Variants in SDK1 observed in about 807,000 individuals in gnomAD.
SDK1 encodes sidekick cell adhesion molecule 1.
SDK1 carries 157 observed loss-of-function variants against 245.5 expected under a neutral mutation model. The ratio of observed to expected loss-of-function variants is 0.64; its 90% CI spans 0.56 to 0.73. The LOEUF (loss-of-function observed/expected upper bound fraction) is 0.73, where lower values mean the gene tolerates loss of function less well. Among genes scored for constraint, SDK1 ranks in the 30% least tolerant of loss-of-function variants. The pLI is 0.00. For missense variants in SDK1, 3,583 were observed against 3,002.3 expected (o/e 1.19, Z -4.52); for synonymous variants, 1,647 against 1,278.5 (o/e 1.29, Z -6.15).
chr7:3,938,743 A>C (rs559906155), intron 5 of SDK1, among the ~76,000 whole-genome samples: 2 of 152,178 alleles, frequency 1.3e-5, no homozygotes, highest in African/African-American at 4.8e-5. Context: ...ATGCTCCTAA[A>C]TCATGCAGGT....
intron 22 of SDK1, among the ~76,000 whole-genome samples, chr7:4,109,173 G>C (rs1783156433): frequency 6.6e-6 from 1 of 152,168 alleles, no homozygotes; most frequent in Non-Finnish European, 1.5e-5. Flanking sequence ...GTTCTCTTGG[G>C]TCAGTGGCTG....
At chr7:4,204,992 A>C (rs1784124117) in intron 35 of SDK1, among the ~76,000 whole-genome samples, 2 of 152,124 alleles carry the variant, frequency 1.3e-5, no homozygotes, top group Middle Eastern at 3.4e-3. Context: ...CACACCCCTA[A>C]TGGCGGTGTG....
chr7:3,910,170 T>C (rs142403983), intron 5 of SDK1, among the ~76,000 whole-genome samples: 113 of 152,304 alleles, frequency 7.4e-4, no homozygotes, highest in African/African-American at 2.6e-3. Flanking sequence ...TCCCCTGGAA[T>C]GTGCAGCGCT....
In SDK1 at chr7:4,117,198, G is replaced by A. The variant is rs576137498; in HGVS notation, c.3823+2924G>A. On this transcript the variant is annotated intron_variant, in intron 25 of 44. Coordinates refer to ENST00000404826, the MANE Select transcript of SDK1 (RefSeq NM_152744.4). Reference sequence around the variant, plus strand: ...ATCTTAAATGTATTGGCCAGGCAGGGTCCTCACACCTGTAATCCCAGCACT... The same window carrying A: ...ATCTTAAATGTATTGGCCAGGCAGGATCCTCACACCTGTAATCCCAGCACT... Among the ~76,000 whole-genome samples, 22 of 152,290 alleles carry A rather than the reference G, an allele frequency of 1.4e-4. No homozygotes were observed. The South Asian group carries it at 4.3e-3, about 30-fold the overall frequency.
At chr7:3,781,234 G>A (rs947717557) in intron 4 of SDK1, among the ~76,000 whole-genome samples, 7 of 152,102 alleles carry the variant, frequency 4.6e-5, no homozygotes, top group African/African-American at 1.7e-4. Context: ...AATACATCCT[G>A]TAACTGGCCT....
At chr7:3,381,899 A>C (rs1781497076) in intron 1 of SDK1, among the ~76,000 whole-genome samples, 1 of 152,196 alleles carries the variant, frequency 6.6e-6, no homozygotes, top group Non-Finnish European at 1.5e-5. Flanking sequence ...TGAAAATTTT[A>C]GTTGACATTT....
chr7:4,194,228 A>ATACATGTATAGATATATGTATGCACGTC (rs1783410898), intron 35 of SDK1, among the ~76,000 whole-genome samples: 1 of 151,028 alleles, frequency 6.6e-6, no homozygotes, highest in Admixed American at 6.6e-5. Flanking sequence ...GTATACACGT[A>ATACATGTATAGATATATGTATGCACGTC]TGTGTATACA....
In SDK1 at chr7:3,489,872, T is replaced by A. The variant is rs17133426; in HGVS notation, c.299-129208T>A. Among the ~76,000 whole-genome samples the A allele has an allele frequency of 3.3e-5, 5 of 152,210 alleles. No homozygotes were observed. The South Asian group carries it at 1.0e-3, about 32-fold the overall frequency. The stretch of plus-strand genomic sequence containing the variant: ...AAGTTTGGAGTAAAATGCTGAATTA[T>A]GGGATGCTGTAATGTCACTAATGAG... On this transcript the variant is annotated intron_variant, in intron 1 of 44. Transcript: ENST00000404826.
At chr7:3,672,996 T>A (rs898283092) in intron 4 of SDK1, among the ~76,000 whole-genome samples, 1 of 151,692 alleles carries the variant, frequency 6.6e-6, no homozygotes, top group South Asian at 2.1e-4. Context: ...CTATTTTTTT[T>A]AAATAAGCAT....
At chr7:4,060,930 T>A (rs1779499308) in intron 19 of SDK1, among the ~76,000 whole-genome samples, 1 of 151,932 alleles carries the variant, frequency 6.6e-6, no homozygotes. Flanking sequence ...TTTCTCAGGT[T>A]TGTCAAAGAT....
intron 1 of SDK1, among the ~76,000 whole-genome samples, chr7:3,416,711 G>A (rs1021048125): frequency 7.2e-5 from 11 of 152,080 alleles, no homozygotes; most frequent in Admixed American, 2.0e-4. Flanking sequence ...CCCTGCTGAC[G>A]TCAGGCTTAA....
chr7:3,971,954 C>G (rs1245340408), intron 12 of SDK1, among the ~76,000 whole-genome samples: 2 of 152,020 alleles, frequency 1.3e-5, no homozygotes, highest in Non-Finnish European at 1.5e-5. Flanking sequence ...GTTCTTTACT[C>G]TCGGGATAGT....
intron 19 of SDK1, among the ~76,000 whole-genome samples, chr7:4,053,408 C>G (rs1175318326): frequency 6.6e-6 from 1 of 152,132 alleles, no homozygotes; most frequent in African/African-American, 2.4e-5. Context: ...TAAGGGTCCT[C>G]CGTCATCCTG....
chr7:3,462,643 A>G (rs1212515296), intron 1 of SDK1, among the ~76,000 whole-genome samples: 1 of 152,128 alleles, frequency 6.6e-6, no homozygotes, highest in Non-Finnish European at 1.5e-5. Context: ...CAGCTGTACC[A>G]TAAACTTTGA....
intron 4 of SDK1, among the ~76,000 whole-genome samples, chr7:3,801,581 G>A (rs1248001433): frequency 2.6e-5 from 4 of 152,166 alleles, no homozygotes; most frequent in African/African-American, 7.2e-5. Context: ...CAGGTTTGAC[G>A]AAAACAGGAA....
chr7:3,469,579 T>G (rs1386080300), intron 1 of SDK1, among the ~76,000 whole-genome samples: 1 of 152,228 alleles, frequency 6.6e-6, no homozygotes, highest in African/African-American at 2.4e-5. Context: ...TCCTAGGTTG[T>G]TTTTGCAAAG....
Position 3,337,403 on chromosome 7 carries a change from G to A in SDK1, c.298+35519G>A, listed in dbSNP as rs192294041. Among the ~76,000 whole-genome samples, 527 of 151,870 alleles carry A rather than the reference G, an allele frequency of 3.5e-3. 3 individuals are homozygous for A. The highest frequency in any genetic ancestry group is 6.5e-3 in the Admixed American group (100 of 15,270). ...AAGTCTCATAGACCTCTGGAGTGAT[G>A]ATAAAAGAGATAACACTTGTGTTGT... On this transcript the variant is annotated intron_variant, in intron 1 of 44. Transcript: ENST00000404826.
intron 11 of SDK1, 79 bp downstream of exon 11, chr7:3,969,503 A>G: frequency 8.8e-7 from 1 of 1,134,552 alleles, no homozygotes; most frequent in Non-Finnish European, 1.2e-6. Context: ...TGGGGATGTC[A>G]GCATGCCCTT....
chr7:3,501,015 C>A (rs1782191685), intron 1 of SDK1, among the ~76,000 whole-genome samples: 1 of 151,938 alleles, frequency 6.6e-6, no homozygotes, highest in Admixed American at 6.6e-5. Context: ...TGCATACTTT[C>A]TTCTTTATTA....
Sources: gnomAD v4.1 joint callset for allele counts (sites outside exome capture counted in the v4.1 genomes callset) on GRCh38, gnomAD v4.1.1 for gene constraint, MANE v1.5 for transcripts, NCBI Gene and HGNC (gene_info 2026-07-23, HGNC 2026-07-21) for gene names.